LSAMP: variants seen among roughly 807,000 people sequenced by gnomAD.
The protein encoded by LSAMP is limbic system-associated membrane protein.
Under a neutral mutation model 38.6 loss-of-function variants are expected in LSAMP, and 7 were observed. The observed-to-expected ratio is 0.18, with a 90% CI of 0.10 to 0.34. LSAMP has a LOEUF of 0.34. Among genes scored for constraint, LSAMP ranks in the 10% least tolerant of loss-of-function variants. The pLI is 1.00. For missense variants in LSAMP, 313 were observed against 420.0 expected (o/e 0.75, Z 2.23); for synonymous variants, 154 against 166.8 (o/e 0.92, Z 0.59).
intron 6 of LSAMP, among the ~76,000 whole-genome samples, chr3:115,839,307 T>TTCCA (rs1934917704): frequency 7.4e-6 from 1 of 135,768 alleles, no homozygotes; most frequent in Non-Finnish European, 1.6e-5. Context: ...CCTTCCTTCC[T>TTCCA]TCCTTCCTTC....
intron 6 of LSAMP, among the ~76,000 whole-genome samples, chr3:115,827,901 A>G (rs1010360653): frequency 2.0e-5 from 3 of 152,202 alleles, no homozygotes; most frequent in Admixed American, 6.5e-5. Flanking sequence ...GGGATCTCTC[A>G]TACTGATTTT....
intron 1 of LSAMP, among the ~76,000 whole-genome samples, chr3:116,395,459 C>T (rs752305022): frequency 8.5e-5 from 13 of 152,158 alleles, no homozygotes; most frequent in South Asian, 2.1e-4. Flanking sequence ...TAAGGAAAGA[C>T]GGCTTATTAT....
intron 3 of LSAMP, among the ~76,000 whole-genome samples, chr3:115,920,471 A>T (rs887338903): frequency 1.3e-5 from 2 of 152,150 alleles, no homozygotes; most frequent in Admixed American, 6.5e-5. Flanking sequence ...GATGTTGAAC[A>T]TCTTACATAT....
chr3:115,966,653 T>C (rs1938825075), intron 3 of LSAMP, among the ~76,000 whole-genome samples: 1 of 152,220 alleles, frequency 6.6e-6, no homozygotes, highest in Admixed American at 6.5e-5. Context: ...GTTAATTTCA[T>C]TATGTTTTTA....
intron 3 of LSAMP, among the ~76,000 whole-genome samples, chr3:115,901,690 A>G (rs1326308800): frequency 6.6e-6 from 1 of 152,194 alleles, no homozygotes; most frequent in East Asian, 1.9e-4. Flanking sequence ...ATTACCAAAT[A>G]AAATCTTCCA....
intron 1 of LSAMP, among the ~76,000 whole-genome samples, chr3:116,413,655 C>T (rs1465499040): frequency 6.6e-6 from 1 of 152,042 alleles, no homozygotes; most frequent in Non-Finnish European, 1.5e-5. Context: ...GGTTCCTATG[C>T]ACATGCAGCA....
At chr3:116,311,460 C>A (rs984630677) in intron 1 of LSAMP, among the ~76,000 whole-genome samples, 1 of 152,090 alleles carries the variant, frequency 6.6e-6, no homozygotes, top group African/African-American at 2.4e-5. Context: ...TTGAGAATAT[C>A]ATTTATACAG....
At chr3:116,147,526 C>G (rs890812556) in intron 1 of LSAMP, among the ~76,000 whole-genome samples, 1 of 152,078 alleles carries the variant, frequency 6.6e-6, no homozygotes, top group South Asian at 2.1e-4. Flanking sequence ...TATCCTGGTT[C>G]ATGGTGATCA....
At chr3:116,219,166 A>T (rs1399781291) in intron 1 of LSAMP, among the ~76,000 whole-genome samples, 3 of 152,152 alleles carry the variant, frequency 2.0e-5, no homozygotes, top group Non-Finnish European at 4.4e-5. Flanking sequence ...TGTGAATTTG[A>T]TTATTTTAGA....
At chr3:115,830,345 CAA>C (rs1288698558) in intron 6 of LSAMP, among the ~76,000 whole-genome samples, 1 of 152,128 alleles carries the variant, frequency 6.6e-6, no homozygotes, top group African/African-American at 2.4e-5. Flanking sequence ...ATACATAAAA[CAA>C]ATTAGATGAA....
At chr3:116,004,075 C>T (rs1940080246) in intron 3 of LSAMP, among the ~76,000 whole-genome samples, 2 of 152,272 alleles carry the variant, frequency 1.3e-5, no homozygotes, top group South Asian at 2.1e-4. Context: ...CTCAGGGATA[C>T]ATTTTTGTAG....
chr3:115,910,708 C>T (rs1937115517), intron 3 of LSAMP, among the ~76,000 whole-genome samples: 1 of 152,152 alleles, frequency 6.6e-6, no homozygotes, highest in Non-Finnish European at 1.5e-5. Flanking sequence ...TCCTCACGCC[C>T]TCCTCAACAC....
chr3:116,320,506 C>T (rs185959276), intron 1 of LSAMP, among the ~76,000 whole-genome samples: 11 of 152,188 alleles, frequency 7.2e-5, no homozygotes, highest in East Asian at 1.9e-4. Context: ...ATGTAACAAC[C>T]GCTGTGAGAC....
chr3:116,422,908 C>T (rs2049147037), intron 1 of LSAMP, among the ~76,000 whole-genome samples: 1 of 152,206 alleles, frequency 6.6e-6, no homozygotes, highest in Non-Finnish European at 1.5e-5. Context: ...TTATTTTCAA[C>T]TTTACCATTT....
intron 1 of LSAMP, among the ~76,000 whole-genome samples, chr3:116,376,385 G>A (rs1158910798): frequency 6.6e-6 from 1 of 151,938 alleles, no homozygotes; most frequent in African/African-American, 2.4e-5. Flanking sequence ...TACTTTCACA[G>A]GCCATACCAA....
intron 3 of LSAMP, among the ~76,000 whole-genome samples, chr3:115,876,322 G>T (rs1370745048): frequency 1.5e-5 from 2 of 136,936 alleles, no homozygotes; most frequent in African/African-American, 5.4e-5. Flanking sequence ...CCCTCAGTTT[G>T]CATAGGGATC....
chr3:116,075,414 G>A (rs1256939089), intron 2 of LSAMP, among the ~76,000 whole-genome samples: 2 of 152,024 alleles, frequency 1.3e-5, no homozygotes, highest in East Asian at 3.9e-4. Flanking sequence ...GGGATTACAG[G>A]CGTGAGCCAC....
chr3:115,815,867 C>T (rs1448722080), intron 6 of LSAMP, among the ~76,000 whole-genome samples: 2 of 152,136 alleles, frequency 1.3e-5, no homozygotes, highest in African/African-American at 2.4e-5. Flanking sequence ...GACCTTCTAG[C>T]ACTGGCCATA....
At chr3:115,950,313 A>G (rs1192500859) in intron 3 of LSAMP, among the ~76,000 whole-genome samples, 1 of 152,142 alleles carries the variant, frequency 6.6e-6, no homozygotes, top group African/African-American at 2.4e-5. Context: ...CACTGATGAT[A>G]TAATCATATA....
Sources: gnomAD v4.1 joint callset for allele counts (sites outside exome capture counted in the v4.1 genomes callset) on GRCh38, gnomAD v4.1.1 for gene constraint, MANE v1.5 for transcripts, NCBI Gene and HGNC (gene_info 2026-07-23, HGNC 2026-07-21) for gene names.